WASF3: variants seen among roughly 807,000 people sequenced by gnomAD.
WASF3 encodes WASP family member 3.
In WASF3, 11 loss-of-function variants were observed where a neutral mutation model predicts 46.6. The observed-to-expected ratio is 0.24, with a 90% confidence interval of 0.15 to 0.39. The LOEUF is 0.39. Among genes scored for constraint, WASF3 ranks in the 10% least tolerant of loss-of-function variants. The probability of loss-of-function intolerance (pLI) is 1.00; values close to 1 mark genes in which losing one functional copy is unlikely to be tolerated. For synonymous variants in WASF3, 242 were observed against 259.7 expected (o/e 0.93, Z 0.65); for missense variants, 576 against 669.8 (o/e 0.86, Z 1.55).
chr13:26,658,821 G>A (rs1023261576), intron 3 of WASF3, among the ~76,000 whole-genome samples: 19 of 152,326 alleles, frequency 1.2e-4, no homozygotes, highest in African/African-American at 4.3e-4. Context: ...GGAGCACAGA[G>A]GGGGTCAAAT....
At chr13:26,615,332 C>T (rs147581491) in intron 2 of WASF3, among the ~76,000 whole-genome samples, 281 of 151,878 alleles carry the variant, frequency 1.9e-3, no homozygotes, top group African/African-American at 6.1e-3. Context: ...TTTTTTGAGA[C>T]GGAGTCTCGC....
At chr13:26,667,785 A>G in intron 5 of WASF3, 115 bp downstream of exon 5, 1 of 1,021,754 alleles carries the variant, frequency 9.8e-7, no homozygotes, top group Non-Finnish European at 1.4e-6. Context: ...CTGGGTTAAA[A>G]TCAGAATTGC....
At chr13:26,684,712 G>A (rs767686977) in intron 9 of WASF3, among the ~76,000 whole-genome samples, 10 of 152,176 alleles carry the variant, frequency 6.6e-5, no homozygotes, top group Admixed American at 2.0e-4. Flanking sequence ...AAATGGTCCA[G>A]AGAAAAGTGT....
intron 3 of WASF3, among the ~76,000 whole-genome samples, chr13:26,653,537 A>T (rs1406237498): frequency 2.0e-5 from 3 of 152,110 alleles, no homozygotes; most frequent in African/African-American, 4.8e-5. Flanking sequence ...CAGCCTTCTT[A>T]CTTCATCTGT....
intron 1 of WASF3, among the ~76,000 whole-genome samples, chr13:26,586,207 C>T (rs889365840): frequency 4.6e-5 from 7 of 151,866 alleles, no homozygotes; most frequent in East Asian, 3.9e-4. Context: ...TTTTGAAAGA[C>T]GTTTTCTTCT....
intron 2 of WASF3, among the ~76,000 whole-genome samples, chr13:26,626,985 A>C (rs938145043): frequency 3.9e-5 from 6 of 152,150 alleles, no homozygotes; most frequent in African/African-American, 1.4e-4. Context: ...TGCTGTAAAC[A>C]CATATAAATG....
chr13:26,673,508 G>A (rs1179577560), intron 6 of WASF3, among the ~76,000 whole-genome samples: 2 of 152,072 alleles, frequency 1.3e-5, no homozygotes, highest in South Asian at 2.1e-4. Context: ...TGCAGCCCTC[G>A]GAAATGCAGA....
In WASF3 at chr13:26,685,733, A is replaced by G. The variant is rs1458930935; in HGVS notation, c.1397A>G (p.Lys466Arg). 2 of 1,614,188 alleles carry G rather than the reference A, an allele frequency of 1.2e-6. No individual in the cohort carries two copies. The highest frequency in any genetic ancestry group is 3.3e-5 in the Admixed American group (2 of 60,030). The change falls in exon 10 of 10, where the codon AAG becomes AGG. Residue 466 changes from lysine (K) to arginine (R), a missense_variant. This residue lies in a region of WASF3 where 68 missense variants were observed against 100.3 expected (regional missense o/e 0.68). Transcript: ENST00000335327. ...KVQEQREQEA[K>R]REPVGNDVAT... ...CAGGAGCAGCGGGAGCAGGAGGCCA[A>G]GCGGGAGCCAGTGGGGAATGACGTG...
intron 9 of WASF3, among the ~76,000 whole-genome samples, chr13:26,683,549 GATTA>G (rs1883309001): frequency 6.6e-6 from 1 of 151,512 alleles, no homozygotes; most frequent in Non-Finnish European, 1.5e-5. Context: ...TGAAGTGATC[GATTA>G]ATTAATTGGA....
At chr13:26,649,899 G>C (rs9507753) in intron 3 of WASF3, among the ~76,000 whole-genome samples, 1 of 151,390 alleles carries the variant, frequency 6.6e-6, no homozygotes, top group Non-Finnish European at 1.5e-5. Flanking sequence ...GTGAAACCCC[G>C]TCTCTCTAAA....
chr13:26,593,783 T>C (rs186242106), intron 1 of WASF3, among the ~76,000 whole-genome samples: 3 of 152,370 alleles, frequency 2.0e-5, no homozygotes, highest in Non-Finnish European at 2.9e-5. Flanking sequence ...TTGCATGCTT[T>C]TCCATTTAGT....
At chr13:26,597,519 A>T (rs527695114) in intron 1 of WASF3, among the ~76,000 whole-genome samples, 1 of 151,840 alleles carries the variant, frequency 6.6e-6, no homozygotes, top group African/African-American at 2.4e-5. Context: ...TTTAGGGTAC[A>T]TGTGCACAAC....
intron 1 of WASF3, among the ~76,000 whole-genome samples, chr13:26,565,122 G>A (rs1566036299): frequency 6.7e-6 from 1 of 150,334 alleles, no homozygotes; most frequent in Non-Finnish European, 1.5e-5. Flanking sequence ...GGTGGCTGCA[G>A]TGAGGTGAGA....
the WASF3 span, among the ~76,000 whole-genome samples, chr13:26,552,403 T>C: frequency 6.6e-6 from 1 of 152,232 alleles, no homozygotes; most frequent in Non-Finnish European, 1.5e-5. Flanking sequence ...ATTGGGTTAA[T>C]ATTAAAATTT....
At chr13:26,592,302 C>G (rs1255052709) in intron 1 of WASF3, among the ~76,000 whole-genome samples, 1 of 151,754 alleles carries the variant, frequency 6.6e-6, no homozygotes, top group African/African-American at 2.4e-5. Context: ...TGTTTTTTTG[C>G]GGGAGTGAAT....
At chr13:26,623,157 C>A (rs920403185) in intron 2 of WASF3, among the ~76,000 whole-genome samples, 2 of 152,102 alleles carry the variant, frequency 1.3e-5, no homozygotes, top group African/African-American at 4.8e-5. Context: ...TTTAGGATAA[C>A]CAGGTACCCC....
intron 2 of WASF3, among the ~76,000 whole-genome samples, chr13:26,614,665 T>C (rs1468785011): frequency 2.6e-5 from 4 of 152,242 alleles, no homozygotes; most frequent in East Asian, 1.9e-4. Flanking sequence ...AAAGGGGAGA[T>C]AGTTAAATTT....
intron 1 of WASF3, among the ~76,000 whole-genome samples, chr13:26,581,238 C>CT (rs1350371475): frequency 2.4e-4 from 36 of 151,888 alleles, no homozygotes; most frequent in African/African-American, 7.0e-4. Flanking sequence ...GGTCAAATTT[C>CT]TTTTTTTTAA....
Position 26,631,992 on chromosome 13 carries a change from G to A in WASF3, c.-10-10269G>A, listed in dbSNP as rs150581154. Among the ~76,000 whole-genome samples the A allele has an allele frequency of 6.9e-3, 1,057 of 152,232 alleles. 9 individuals carry two copies. The highest frequency in any genetic ancestry group is 0.024 in the African/African-American group (979 of 41,540). Reference sequence around the variant, plus strand: ...TTTGTTTGTCTGTTATTGGTGTATAGGAATGCTTGTAATTTTTGCACGTTG... The same window carrying A: ...TTTGTTTGTCTGTTATTGGTGTATAAGAATGCTTGTAATTTTTGCACGTTG... On this transcript the variant is annotated intron_variant, in intron 2 of 9. Coordinates refer to ENST00000335327, the MANE Select transcript of WASF3 (RefSeq NM_006646.6).
Sources: allele counts gnomAD v4.1 joint callset (sites outside exome capture counted in the v4.1 genomes callset), GRCh38; gene constraint gnomAD v4.1.1; regional missense constraint gnomAD v4.1.1; transcripts MANE v1.5; gene names NCBI Gene and HGNC (gene_info 2026-07-23, HGNC 2026-07-21).